FGF13: variants seen among roughly 807,000 people sequenced by gnomAD.
FGF13 encodes the protein fibroblast growth factor homologous factor 2.
FGF13 carries 2 observed loss-of-function variants against 19.5 expected under a neutral mutation model. The ratio of observed to expected loss-of-function variants is 0.10; its 90% CI spans 0.04 to 0.32. The LOEUF (loss-of-function observed/expected upper bound fraction) is 0.32, where lower values mean the gene tolerates loss of function less well. FGF13 is among the 10% of genes least tolerant of loss of function. The pLI is 1.00. For synonymous variants in FGF13, 72 were observed against 76.9 expected (o/e 0.94, Z 0.33); for missense variants, 113 against 192.7 (o/e 0.59, Z 2.45).
chrX:138,709,852 C>T (rs893717212), intron 1 of FGF13, among the ~76,000 whole-genome samples: 8 of 112,027 alleles, frequency 7.1e-5, no homozygotes, highest in Admixed American at 3.8e-4. Context: ...ACAGTTAATG[C>T]ATTAAAAACT....
chrX:139,163,400 G>A (rs113307496), intron 1 of FGF13, among the ~76,000 whole-genome samples: 12,543 of 110,062 alleles, frequency 0.11, 1,190 homozygotes, highest in African/African-American at 0.32. Context: ...CAGGGGGTGG[G>A]GGCCTAGGGG....
At chrX:139,128,472 C>A (rs948881277) in intron 1 of FGF13, among the ~76,000 whole-genome samples, 1 of 112,118 alleles carries the variant, frequency 8.9e-6, no homozygotes, top group African/African-American at 3.2e-5. Context: ...CTTGTGCCAT[C>A]CTGTCTGGGG....
chrX:139,055,594 C>G (rs1330640787), intron 1 of FGF13, among the ~76,000 whole-genome samples: 1 of 112,347 alleles, frequency 8.9e-6, no homozygotes, highest in Non-Finnish European at 1.9e-5. Flanking sequence ...CGTCAGTCCT[C>G]TTCAGTTAAG....
At chrX:138,778,606 G>C (rs966946097) in intron 3 of FGF13, among the ~76,000 whole-genome samples, 1 of 112,349 alleles carries the variant, frequency 8.9e-6, no homozygotes, top group Admixed American at 9.3e-5. Context: ...GCGCTTTTCC[G>C]ACAGGCTTAA....
intron 1 of FGF13, among the ~76,000 whole-genome samples, chrX:139,029,919 T>A (rs1035857099): frequency 8.9e-5 from 10 of 112,073 alleles, no homozygotes; most frequent in African/African-American, 3.2e-4. Context: ...AAAGGTTAGA[T>A]AGTAAATAAT....
At chrX:138,929,787 C>T (rs1246463357) in intron 1 of FGF13, among the ~76,000 whole-genome samples, 1 of 110,211 alleles carries the variant, frequency 9.1e-6, no homozygotes, top group African/African-American at 3.3e-5. Flanking sequence ...CATCCTTTCC[C>T]TGTATTACTC....
At position 138,971,588 on chromosome X, in the gene FGF13, T is replaced by A. The variant is rs190507790; in HGVS notation, c.-112-106938A>T. On this transcript the variant is annotated intron_variant, in intron 1 of 2. Coordinates refer to the FGF13 transcript ENST00000421460. ...GTTTTATTTTTAAGGTATATTTTCT[T>A]TTTATTTGTCATATAATAATTGTAC... Among the ~76,000 whole-genome samples the A allele has an allele frequency of 3.1e-4, 35 of 111,433 alleles. 1 individual carries two copies. The highest frequency in any genetic ancestry group is 1.1e-3 in the African/African-American group (35 of 30,718).
chrX:138,759,755 A>G (rs1473323303), intron 3 of FGF13, among the ~76,000 whole-genome samples: 1 of 111,653 alleles, frequency 9.0e-6, no homozygotes, highest in African/African-American at 3.3e-5. Context: ...CGACAATTAC[A>G]TCACCTCTCT....
chrX:139,045,549 G>A (rs775259038), intron 1 of FGF13, among the ~76,000 whole-genome samples: 1 of 112,449 alleles, frequency 8.9e-6, no homozygotes, highest in East Asian at 2.8e-4. Flanking sequence ...TTAAACATAC[G>A]TTCTAACTTA....
At chrX:139,204,164 G>C (rs779730662), upstream of FGF13, 50 of 1,104,548 alleles carry the variant, frequency 4.5e-5, no homozygotes, top group African/African-American at 4.5e-4. Flanking sequence ...CGCCGAGCGG[G>C]TCGGACTTGG....
chrX:138,732,554 G>A (rs1036940294), intron 1 of FGF13, among the ~76,000 whole-genome samples: 4 of 111,508 alleles, frequency 3.6e-5, no homozygotes, highest in African/African-American at 9.8e-5. Flanking sequence ...AACCTATGGT[G>A]ATAGAAGTAA....
At position 138,830,687 on chromosome X, in the gene FGF13, T is replaced by TGTGTGTGTGTG. The variant is rs1556225883; in HGVS notation, c.217+26824_217+26825insCACACACACAC. 6.9e-5 allele frequency among the ~76,000 whole-genome samples: 6 copies of TGTGTGTGTGTG among 87,518 alleles called. No homozygotes were observed. In the South Asian group the frequency reaches 2.7e-3, roughly 40 times the overall value. 76.0% of individuals were successfully genotyped at this position (87,518 alleles called of 115,157 possible). A position where few individuals can be genotyped will look rare whatever the true frequency, so the allele number is the denominator to read the frequency against. ...CCATGTAAAGAGTGAAAAGGGGTGT[T>TGTGTGTGTGTG]TGTGTGTGTGTGTGTGTGTGTGTGT... is the stretch of plus-strand genomic sequence containing the variant. On this transcript the variant is annotated intron_variant, in intron 3 of 6. Transcript: ENST00000436198.
intron 3 of FGF13, among the ~76,000 whole-genome samples, chrX:138,799,940 C>T (rs1216592826): frequency 9.0e-5 from 10 of 111,342 alleles, no homozygotes; most frequent in African/African-American, 3.3e-4. Context: ...GTAATTATTC[C>T]TCCATCCCTT....
upstream of FGF13, chrX:139,204,172 T>G: frequency 1.9e-6 from 2 of 1,052,152 alleles, no homozygotes; most frequent in Non-Finnish European, 2.7e-6. Context: ...GGGTCGGACT[T>G]GGGAGAGTGC....
At chrX:139,158,659 C>T (rs925254070) in intron 1 of FGF13, among the ~76,000 whole-genome samples, 5 of 110,875 alleles carry the variant, frequency 4.5e-5, no homozygotes, top group African/African-American at 1.6e-4. Flanking sequence ...AAAAACACAG[C>T]GTAAGAACTT....
intron 1 of FGF13, among the ~76,000 whole-genome samples, chrX:139,017,610 T>C (rs1447800367): frequency 9.0e-6 from 1 of 110,895 alleles, no homozygotes; most frequent in Non-Finnish European, 1.9e-5. Context: ...GGTTAGTCTG[T>C]CAGACCAACT....
At chrX:138,711,742 G>A (rs185599206), upstream of FGF13, 2,132 of 721,850 alleles carry the variant, frequency 3.0e-3, 42 homozygotes, top group African/African-American at 0.047. Flanking sequence ...CCCCTCCCGC[G>A]ACGGCCCCTC....
chrX:138,824,349 G>A (rs887527559), intron 3 of FGF13, among the ~76,000 whole-genome samples: 13 of 111,804 alleles, frequency 1.2e-4, no homozygotes, highest in Non-Finnish European at 5.6e-5. Context: ...TAGGACATCT[G>A]CTGTGGAAGA....
intron 1 of FGF13, among the ~76,000 whole-genome samples, chrX:139,057,988 T>C (rs62602242): frequency 0.14 from 15,804 of 111,370 alleles, 907 homozygotes; most frequent in African/African-American, 0.21. Context: ...CGTGAAGATT[T>C]GATGAGATAT....
Sources: gnomAD v4.1 joint callset for allele counts (sites outside exome capture counted in the v4.1 genomes callset) on GRCh38, gnomAD v4.1.1 for gene constraint, MANE v1.5 for transcripts, NCBI Gene and HGNC (gene_info 2026-07-23, HGNC 2026-07-21) for gene names.